Variants in TPCN1 observed in about 807,000 individuals in gnomAD.
The protein encoded by TPCN1 is two pore segment channel 1.
Under a neutral mutation model 108.8 loss-of-function variants are expected in TPCN1, and 52 were observed. That is an observed-to-expected ratio of 0.48 (90% CI 0.38 to 0.60). The LOEUF is 0.60. Among genes scored for constraint, TPCN1 ranks in the 20% least tolerant of loss-of-function variants. The pLI, the probability that TPCN1 is intolerant of heterozygous loss-of-function variation, is 0.00. For synonymous variants in TPCN1, 446 were observed against 433.7 expected (o/e 1.03, Z -0.35); for missense variants, 806 against 1,072.8 (o/e 0.75, Z 3.47).
intron 2 of TPCN1, among the ~76,000 whole-genome samples, chr12:113,251,683 T>C (rs1484075689): frequency 1.3e-5 from 2 of 152,228 alleles, no homozygotes; most frequent in Admixed American, 1.3e-4. Context: ...CCCTCCTGCC[T>C]GTTAGGAGTT....
At position 113,232,200 on chromosome 12, in the gene TPCN1, C is replaced by T. The variant is rs76358241; in HGVS notation, c.112+5236C>T. Among the ~76,000 whole-genome samples the T allele has an allele frequency of 4.6e-5, 7 of 152,366 alleles. No individual in the cohort carries two copies. The East Asian group carries it at 1.3e-3, about 29-fold the overall frequency. Reference sequence around the variant, plus strand: ...GTCCTGCAGCTAAGGCCCAAGGTCACAGCGCAGAGAGCTGACCTCTCCCTC... The same window carrying T: ...GTCCTGCAGCTAAGGCCCAAGGTCATAGCGCAGAGAGCTGACCTCTCCCTC... On this transcript the variant is annotated intron_variant, in intron 2 of 27. Coordinates refer to ENST00000335509, the MANE Select transcript of TPCN1 (RefSeq NM_017901.6). This position sits in a 1 kb window ranked among gnomAD's most constrained non-coding sequence, Gnocchi z 5.6.
chr12:113,221,957 C>A (rs1953250120), intron 1 of TPCN1, among the ~76,000 whole-genome samples: 1 of 152,202 alleles, frequency 6.6e-6, no homozygotes, highest in African/African-American at 2.4e-5. Context: ...TAGGTGACCC[C>A]ACAGGAGTCT....
At chr12:113,263,964 T>A in intron 3 of TPCN1, among the ~76,000 whole-genome samples, 1 of 152,232 alleles carries the variant, frequency 6.6e-6, no homozygotes, top group East Asian at 1.9e-4. Flanking sequence ...CCATCTCTTC[T>A]GGGACAACTC....
intron 13 of TPCN1, 74 bp downstream of exon 13, chr12:113,278,311 C>A: frequency 2.2e-6 from 3 of 1,333,570 alleles, no homozygotes; most frequent in South Asian, 1.2e-5. Flanking sequence ...AGCAGGGGCA[C>A]CCCGAGATCC....
chr12:113,288,139 G>C lies in TPCN1; in HGVS notation c.1635-24G>C. The C allele has an allele frequency of 6.2e-7, 1 of 1,604,670 alleles. No individual in the cohort carries two copies. The highest frequency in any genetic ancestry group is 1.1e-5 in the South Asian group (1 of 90,172). On this transcript the variant is annotated intron_variant, in intron 19 of 27. Coordinates refer to ENST00000335509, the MANE Select transcript of TPCN1 (RefSeq NM_017901.6). The surrounding 1 kb of genome is among the most constrained non-coding windows in gnomAD (Gnocchi z 4.8). The stretch of plus-strand genomic sequence containing the variant: ...CTGAGGCGTGCACCTGTGTGTGGAG[G>C]TGACGGGTGTCCTCCTCGCTCAGGT...
At position 113,269,501 on chromosome 12, in the gene TPCN1, T is replaced by C. The variant is rs1361127395; in HGVS notation, c.660-256T>C. 2.0e-5 allele frequency among the ~76,000 whole-genome samples: 3 copies of C among 152,184 alleles called. No homozygotes were observed. The highest frequency in any genetic ancestry group is 7.2e-5 in the African/African-American group (3 of 41,448). On this transcript the variant is annotated intron_variant, in intron 6 of 27. Transcript: ENST00000335509. The surrounding 1 kb of genome is among the most constrained non-coding windows in gnomAD (Gnocchi z 5.0). ...GGCCTTCTGCTGCTCTGTTCCCTGC[T>C]TGCATGGCACTCACCTCCTTGGGGC...
chr12:113,280,163 T>C lies in TPCN1; in HGVS notation c.1310T>C (p.Leu437Pro), dbSNP rs1469900232. ...TTTCTTCAAATAGGTATTAATATCC[T>C]TGTGAAGTCCAAGGCCTTCCAGTAT... ...ALLIFKGINI[L>P]VKSKAFQYFM... Residue 437 changes from leucine (L) to proline (P), a missense_variant, in exon 15 of 28, where the codon CTT (leucine) becomes CCT (proline). Physicochemically the swap from Leu to Pro is moderately conservative, Grantham distance 98. Transcript: ENST00000335509. The C allele has an allele frequency of 6.2e-7, 1 of 1,608,644 alleles. No individual in the cohort carries two copies. Among genetic ancestry groups the C allele is most frequent in the Admixed American group, 1.7e-5 (1 of 59,974 alleles).
chr12:113,292,557 C>T (rs913495163), intron 25 of TPCN1: 9 of 208,868 alleles, frequency 4.3e-5, no homozygotes, highest in Non-Finnish European at 5.8e-5. Context: ...GATCACACCA[C>T]TGCACTCCAG....
intron 3 of TPCN1, 131 bp downstream of exon 3, chr12:113,260,623 T>C: frequency 1.6e-6 from 2 of 1,219,566 alleles, no homozygotes; most frequent in South Asian, 1.6e-5. Flanking sequence ...TGTGTGAGCT[T>C]CAGGTTCATA....
intron 2 of TPCN1, chr12:113,246,049 C>T (rs753431339): frequency 5.5e-5 from 25 of 455,970 alleles, no homozygotes; most frequent in Non-Finnish European, 8.8e-5. Context: ...GGAGTGTTAC[C>T]GTGTGTGCAA....
At chr12:113,227,872 C>A (rs1487795044) in intron 2 of TPCN1, among the ~76,000 whole-genome samples, 1 of 152,140 alleles carries the variant, frequency 6.6e-6, no homozygotes, top group African/African-American at 2.4e-5. Flanking sequence ...CCCCTGGGAA[C>A]TGATGAAGGA....
At chr12:113,245,593 T>C (rs556786652) in intron 2 of TPCN1, among the ~76,000 whole-genome samples, 13 of 86,552 alleles carry the variant, frequency 1.5e-4, no homozygotes, top group African/African-American at 5.3e-4. Context: ...AGAGCAAGAC[T>C]CCGTCTCAAA....
At chr12:113,261,415 T>A (rs1207954748) in intron 3 of TPCN1, among the ~76,000 whole-genome samples, 4 of 145,402 alleles carry the variant, frequency 2.8e-5, no homozygotes, top group African/African-American at 1.0e-4. Context: ...GCATAAGCTT[T>A]TTTTTTTTTT....
chr12:113,257,133 T>C (rs1297270605), intron 2 of TPCN1, among the ~76,000 whole-genome samples: 1 of 152,164 alleles, frequency 6.6e-6, no homozygotes, highest in Non-Finnish European at 1.5e-5. Flanking sequence ...ACATTATTGT[T>C]AGGAAAATGC....
At chr12:113,275,767 G>C (rs1351889876) in intron 10 of TPCN1, among the ~76,000 whole-genome samples, 2 of 151,602 alleles carry the variant, frequency 1.3e-5, no homozygotes, top group Admixed American at 6.6e-5. Flanking sequence ...GTAGAGATGG[G>C]GTTTCGCGCT....
At position 113,273,720 on chromosome 12, in the gene TPCN1, A is replaced by G; in HGVS notation, c.942+52A>G. ...TGAAGCAGCCTGCCCCTACCCATGC[A>G]GCACTAGGCACTGTGGGAGTGGAGA... On this transcript the variant is annotated intron_variant, in intron 10 of 27. Coordinates refer to ENST00000335509, the MANE Select transcript of TPCN1 (RefSeq NM_017901.6). This position sits in a 1 kb window ranked among gnomAD's most constrained non-coding sequence, Gnocchi z 4.0. 1 of 1,391,616 alleles carries G rather than the reference A, an allele frequency of 7.2e-7. No individual in the cohort carries two copies. The highest frequency in any genetic ancestry group is 1.2e-5 in the South Asian group (1 of 86,770). The allele number at this position is 1,391,616 out of a possible 1,614,324, so 86.2% of individuals were successfully genotyped here. A position where few individuals can be genotyped will look rare whatever the true frequency, so the allele number is the denominator to read the frequency against.
chr12:113,267,953 C>G lies in TPCN1; in HGVS notation c.525C>G (p.Val175=). Residue 175 remains valine, a synonymous_variant, in exon 5 of 28, where the codon GTC becomes GTG. Coordinates refer to ENST00000335509, the MANE Select transcript of TPCN1 (RefSeq NM_017901.6). ...TCATCCGGCACAAGCGGACCATGGT[C>G]AAGGTGATGTGTCCGCCCATCTGTC... is the stretch of plus-strand genomic sequence containing the variant. ...HTFIRHKRTM[V]KTSVLVVQFV... is the part of the protein sequence containing the mutation. 1.2e-6 allele frequency: 2 copies of G among 1,608,440 alleles called. No homozygotes were observed. The highest frequency in any genetic ancestry group is 1.7e-6 in the Non-Finnish European group (2 of 1,175,570).
chr12:113,284,795 T>C lies in TPCN1; in HGVS notation c.1453+24T>C. 6.2e-7 allele frequency: 1 copy of C among 1,613,608 alleles called. No individual in the cohort carries two copies. Among genetic ancestry groups the C allele is most frequent in the East Asian group, 2.2e-5 (1 of 44,886 alleles). ...TAGTACGTTTCCGACATGGCTTTGCTGGACTGCTTGTTTTAAAATTGTCTG... is the reference window on the plus strand; with the variant it reads ...TAGTACGTTTCCGACATGGCTTTGCCGGACTGCTTGTTTTAAAATTGTCTG... On this transcript the variant is annotated intron_variant, in intron 17 of 27. Coordinates refer to ENST00000335509, the MANE Select transcript of TPCN1 (RefSeq NM_017901.6). The surrounding 1 kb of genome is among the most constrained non-coding windows in gnomAD (Gnocchi z 4.1).
chr12:113,273,340 T>C lies in TPCN1; in HGVS notation c.842+50T>C, dbSNP rs2136652958. 6.3e-7 allele frequency: 1 copy of C among 1,574,876 alleles called. No individual in the cohort carries two copies. The highest frequency in any genetic ancestry group is 1.3e-5 in the African/African-American group (1 of 74,178). On this transcript the variant is annotated intron_variant, in intron 9 of 27. Coordinates refer to ENST00000335509, the MANE Select transcript of TPCN1 (RefSeq NM_017901.6). The surrounding 1 kb of genome is among the most constrained non-coding windows in gnomAD (Gnocchi z 4.0). ...TTGGTCCTCTGCTGCCGCCCTGGGG[T>C]CTCTTTCTCTTTTCTGCCAAGTATA...
Sources: gnomAD v4.1 joint callset for allele counts (sites outside exome capture counted in the v4.1 genomes callset) on GRCh38, gnomAD v4.1.1 for gene constraint, Gnocchi (gnomAD v3.1) non-coding constraint, MANE v1.5 for transcripts, NCBI Gene and HGNC (gene_info 2026-07-23, HGNC 2026-07-21) for gene names.